ASCC3: variants seen among roughly 807,000 people sequenced by gnomAD.
The protein encoded by ASCC3 is activating signal cointegrator 1 complex subunit 3.
In ASCC3, 158 loss-of-function variants were observed where a neutral mutation model predicts 256.3. The ratio of observed to expected loss-of-function variants is 0.62; its 90% CI spans 0.54 to 0.70. The LOEUF is 0.70. Among genes scored for constraint, ASCC3 ranks in the 30% least tolerant of loss-of-function variants. ASCC3 has a pLI of 0.00. For synonymous variants in ASCC3, 948 were observed against 883.4 expected, an observed-to-expected ratio of 1.07 and a Z score of -1.30; for missense variants, 2,259 against 2,626.0, an observed-to-expected ratio of 0.86 and a Z score of 3.05.
chr6:100,872,115 A>C (rs1408597094), intron 1 of ASCC3, among the ~76,000 whole-genome samples: 1 of 152,178 alleles, frequency 6.6e-6, no homozygotes, highest in Non-Finnish European at 1.5e-5. Flanking sequence ...ACCTTTTACC[A>C]CACAAGTTAG....
At chr6:100,603,362 G>A (rs569018379) in intron 33 of ASCC3, among the ~76,000 whole-genome samples, 1 of 152,110 alleles carries the variant, frequency 6.6e-6, no homozygotes, top group South Asian at 2.1e-4. Context: ...TCAACATCAA[G>A]CATTGAAAGT....
intron 37 of ASCC3, among the ~76,000 whole-genome samples, chr6:100,524,624 A>T (rs1184786852): frequency 3.3e-5 from 5 of 152,134 alleles, no homozygotes; most frequent in Non-Finnish European, 5.9e-5. Context: ...TCATTATTTT[A>T]AAAATTTCCC....
At chr6:100,817,628 C>T (rs1002068987) in intron 4 of ASCC3, among the ~76,000 whole-genome samples, 5 of 151,732 alleles carry the variant, frequency 3.3e-5, no homozygotes, top group African/African-American at 4.8e-5. Flanking sequence ...AAAGATTATA[C>T]AGGAATGCTA....
intron 4 of ASCC3, among the ~76,000 whole-genome samples, chr6:100,827,217 C>G (rs1481907401): frequency 1.3e-5 from 2 of 152,196 alleles, no homozygotes; most frequent in Admixed American, 6.5e-5. Flanking sequence ...TTACATTCTA[C>G]AAGTTTTAAC....
intron 37 of ASCC3, among the ~76,000 whole-genome samples, chr6:100,528,883 T>A (rs1774726477): frequency 6.6e-6 from 1 of 152,236 alleles, no homozygotes; most frequent in Non-Finnish European, 1.5e-5. Flanking sequence ...GGAAGACAGA[T>A]CTTTACATTC....
chr6:100,747,109 C>T (rs1780713698), intron 10 of ASCC3, among the ~76,000 whole-genome samples: 1 of 148,298 alleles, frequency 6.7e-6, no homozygotes, highest in African/African-American at 2.5e-5. Context: ...CTTGAATACA[C>T]ACAACACCAA....
intron 14 of ASCC3, among the ~76,000 whole-genome samples, chr6:100,676,092 C>A (rs1476216237): frequency 6.6e-6 from 1 of 151,966 alleles, no homozygotes; most frequent in Admixed American, 6.6e-5. Flanking sequence ...AAGACACAAT[C>A]TTTGAGGGGG....
intron 2 of ASCC3, among the ~76,000 whole-genome samples, chr6:100,864,798 A>G (rs765128386): frequency 1.2e-4 from 18 of 152,176 alleles, no homozygotes; most frequent in Admixed American, 2.6e-4. Flanking sequence ...ATTTTCTCAC[A>G]GTTCTGGAGC....
chr6:100,793,421 G>T (rs1769447010), intron 8 of ASCC3, among the ~76,000 whole-genome samples: 2 of 151,864 alleles, frequency 1.3e-5, no homozygotes, highest in Admixed American at 6.6e-5. Flanking sequence ...CATCCCACAA[G>T]GCTGTTTATT....
At chr6:100,700,196 T>G (rs1778286136) in intron 13 of ASCC3, among the ~76,000 whole-genome samples, 1 of 152,122 alleles carries the variant, frequency 6.6e-6, no homozygotes, top group African/African-American at 2.4e-5. Context: ...AGGGTCCCCA[T>G]GCTGCGTGCA....
intron 13 of ASCC3, among the ~76,000 whole-genome samples, chr6:100,702,999 GATA>G (rs907327516): frequency 1.3e-5 from 2 of 152,042 alleles, no homozygotes; most frequent in African/African-American, 4.8e-5. Flanking sequence ...ATGATCATGT[GATA>G]ATGTTTATTA....
chr6:100,774,204 C>A (rs1257721804), intron 8 of ASCC3, among the ~76,000 whole-genome samples: 1 of 152,152 alleles, frequency 6.6e-6, no homozygotes, highest in Non-Finnish European at 1.5e-5. Context: ...GTTGCCCAGG[C>A]TGAAGCGCAG....
rs1773837488 is a variant in ASCC3, at chr6:100,512,835, A to G, written c.6159T>C (p.His2053=). The change falls in exon 40 of 42, where the codon CAT becomes CAC. Residue 2053 remains histidine (H), a synonymous_variant. Transcript: ENST00000369162. ...TCAGAGTTGAGACAGAGAGTTCATT[A>G]TGTCCTTCAACTAAGTCATCCCACG... ...KGSWDDLVEG[H]NELSVSTLTA... The G allele has an allele frequency of 6.2e-7, 1 of 1,614,124 alleles. No homozygotes were observed. The highest frequency in any genetic ancestry group is 1.3e-5 in the African/African-American group (1 of 75,054).
At chr6:100,813,600 TTTACCCA>T (rs1770592544) in intron 4 of ASCC3, among the ~76,000 whole-genome samples, 1 of 152,130 alleles carries the variant, frequency 6.6e-6, no homozygotes, top group Non-Finnish European at 1.5e-5. Flanking sequence ...CACAAATTAC[TTTACCCA>T]TTATACAGGG....
intron 22 of ASCC3, among the ~76,000 whole-genome samples, chr6:100,645,975 T>G (rs180704878): frequency 6.6e-5 from 10 of 152,248 alleles, no homozygotes; most frequent in Admixed American, 1.3e-4. Context: ...TATAGAATAC[T>G]TTTCTACAAG....
intron 22 of ASCC3, 79 bp downstream of exon 22, chr6:100,646,536 T>C: frequency 1.4e-6 from 2 of 1,417,138 alleles, no homozygotes; most frequent in Middle Eastern, 1.8e-4. Context: ...ATTTTCTATA[T>C]GCCTTAGGAA....
chr6:100,806,907 A>G (rs778071779), intron 4 of ASCC3, among the ~76,000 whole-genome samples: 2 of 151,930 alleles, frequency 1.3e-5, no homozygotes, highest in Non-Finnish European at 2.9e-5. Context: ...TAATCCTATC[A>G]AGCAAATCCT....
chr6:100,723,876 ATATATATATATATATATATATTTATAAT>A (rs1157962922), intron 11 of ASCC3, among the ~76,000 whole-genome samples: 2 of 131,198 alleles, frequency 1.5e-5, no homozygotes, highest in African/African-American at 6.4e-5. Flanking sequence ...ATATATATAT[ATATATATATATATATATATATTTATAAT>A]TATATATATG....
At position 100,638,795 on chromosome 6, in the gene ASCC3, T is replaced by G. The variant is rs373556399; in HGVS notation, c.3928A>C (p.Ile1310Leu). 6.2e-7 allele frequency: 1 copy of G among 1,614,090 alleles called. No homozygotes were observed. The highest frequency in any genetic ancestry group is 8.5e-7 in the Non-Finnish European group (1 of 1,179,970). ...TATGCTTTACATCCCAAAGCTGTGA[T>G]TGGTAAAGGCTGAAGATCCAGTAAT... is the stretch of plus-strand genomic sequence containing the variant. ...TELLDLQPLP[I>L]TALGCKAYEA... Residue 1310 changes from isoleucine to leucine, a missense_variant, in exon 25 of 42, where the codon ATC (isoleucine) becomes CTC (leucine). Transcript: ENST00000369162.
Sources: allele counts gnomAD v4.1 joint callset (sites outside exome capture counted in the v4.1 genomes callset), GRCh38; gene constraint gnomAD v4.1.1; transcripts MANE v1.5; gene names NCBI Gene and HGNC (gene_info 2026-07-23, HGNC 2026-07-21).